GPC6: variants seen among roughly 807,000 people sequenced by gnomAD.
The protein encoded by GPC6 is glypican 6.
A neutral mutation model predicts 55.2 loss-of-function variants in GPC6; 14 were observed. That is an observed-to-expected ratio of 0.25 (90% confidence interval 0.17 to 0.40). GPC6 has a LOEUF of 0.40. Ranked by LOEUF, GPC6 falls within the 10% of genes least tolerant of loss-of-function variation. GPC6 has a pLI of 1.00. For missense variants in GPC6, 641 were observed against 708.5 expected (o/e 0.90, Z 1.08); for synonymous variants, 278 against 259.6 (o/e 1.07, Z -0.68).
At chr13:93,512,149 C>T (rs1197325874) in intron 1 of GPC6, among the ~76,000 whole-genome samples, 1 of 152,052 alleles carries the variant, frequency 6.6e-6, no homozygotes, top group Non-Finnish European at 1.5e-5. Context: ...TTGACCTCTC[C>T]TTTTCCAATT....
At chr13:94,199,331 G>A (rs759460312) in intron 4 of GPC6, among the ~76,000 whole-genome samples, 1 of 152,130 alleles carries the variant, frequency 6.6e-6, no homozygotes, top group Admixed American at 6.5e-5. Context: ...TCTGGATTAG[G>A]GTTAAAATGC....
rs181168230 is a variant in GPC6 at position 93,622,354 on chromosome 13, G to A, written c.319+76933G>A. Among the ~76,000 whole-genome samples, 28 of 152,242 alleles carry A rather than the reference G, an allele frequency of 1.8e-4. 1 individual carries two copies. The highest frequency in any genetic ancestry group is 1.7e-3 in the Admixed American group (26 of 15,288). On this transcript the variant is annotated intron_variant, in intron 2 of 8. Coordinates refer to ENST00000377047, the MANE Select transcript of GPC6 (RefSeq NM_005708.5). ...GAACTCAAGCTTTAGGAAGCTTATG[G>A]ATGAGTAGTATTCCATTGTGTATAC... is the stretch of plus-strand genomic sequence containing the variant.
intron 3 of GPC6, among the ~76,000 whole-genome samples, chr13:93,853,076 T>A (rs1647916278): frequency 6.6e-6 from 1 of 151,752 alleles, no homozygotes; most frequent in Non-Finnish European, 1.5e-5. Flanking sequence ...TGTTCTATGT[T>A]TACTATTTCC....
intron 6 of GPC6, among the ~76,000 whole-genome samples, chr13:94,325,582 TATTGA>T (rs1209106465): frequency 3.3e-5 from 5 of 152,250 alleles, no homozygotes; most frequent in African/African-American, 1.2e-4. Flanking sequence ...GCTATGGCTC[TATTGA>T]TTTAAAACAA....
intron 4 of GPC6, among the ~76,000 whole-genome samples, chr13:94,249,784 C>T (rs1288987593): frequency 6.6e-6 from 1 of 152,098 alleles, no homozygotes; most frequent in South Asian, 2.1e-4. Context: ...AACAGAACAG[C>T]GTTTGACAAG....
chr13:93,811,501 G>A (rs1173065010), intron 2 of GPC6, among the ~76,000 whole-genome samples: 1 of 152,142 alleles, frequency 6.6e-6, no homozygotes, highest in Non-Finnish European at 1.5e-5. Context: ...AACTGGTTAA[G>A]AAAATGTTCT....
At chr13:93,381,837 C>G (rs1875186122) in intron 1 of GPC6, among the ~76,000 whole-genome samples, 1 of 152,112 alleles carries the variant, frequency 6.6e-6, no homozygotes, top group South Asian at 2.1e-4. Context: ...CATCCATCCA[C>G]CCATCAGTTC....
At chr13:94,038,745 G>C (rs1444808091) in intron 4 of GPC6, among the ~76,000 whole-genome samples, 1 of 151,904 alleles carries the variant, frequency 6.6e-6, no homozygotes, top group Non-Finnish European at 1.5e-5. Flanking sequence ...CTCCTGTGCA[G>C]GTGAATAACC....
intron 3 of GPC6, among the ~76,000 whole-genome samples, chr13:94,003,191 A>G (rs1236475876): frequency 1.3e-5 from 2 of 152,316 alleles, no homozygotes; most frequent in Non-Finnish European, 2.9e-5. Flanking sequence ...ACTCCAGTCA[A>G]TAAAGTATAA....
At chr13:94,206,390 C>T (rs572700855) in intron 4 of GPC6, among the ~76,000 whole-genome samples, 2 of 152,204 alleles carry the variant, frequency 1.3e-5, no homozygotes, top group Admixed American at 6.5e-5. Context: ...TATTTAATAA[C>T]GGGAGTCTCA....
Position 94,403,129 on chromosome 13 carries a change from T to G in GPC6, c.1580T>G (p.Val527Gly), listed in dbSNP as rs1594245493. Residue 527 changes from valine (V) to glycine (G), a missense_variant, in exon 9 of 9, where the codon GTG (valine) becomes GGG (glycine). Physicochemically the swap from Val to Gly is moderately radical, Grantham distance 109. Coordinates refer to ENST00000377047, the MANE Select transcript of GPC6 (RefSeq NM_005708.5). ...GCAGTGGATCCCGACCGGAGAGAGG[T>G]GGACTCTTCTGCAGCCCAGCGTGGC... ...APAVDPDRRE[V>G]DSSAAQRGHS... The G allele has an allele frequency of 6.2e-7, 1 of 1,613,722 alleles. No individual in the cohort carries two copies. The highest frequency in any genetic ancestry group is 8.5e-7 in the Non-Finnish European group (1 of 1,179,706).
At chr13:94,140,930 A>G (rs1398653525) in intron 4 of GPC6, among the ~76,000 whole-genome samples, 10 of 151,962 alleles carry the variant, frequency 6.6e-5, no homozygotes, top group African/African-American at 2.2e-4. Flanking sequence ...ATATATATTT[A>G]TATTACGGTA....
chr13:93,629,022 T>G (rs1483347620), intron 2 of GPC6, among the ~76,000 whole-genome samples: 2 of 144,076 alleles, frequency 1.4e-5, no homozygotes, highest in Non-Finnish European at 3.1e-5. Flanking sequence ...GATGTAAAAC[T>G]GTACTTCTAG....
At chr13:94,121,869 G>T (rs1355055417) in intron 4 of GPC6, among the ~76,000 whole-genome samples, 3 of 152,066 alleles carry the variant, frequency 2.0e-5, no homozygotes, top group Non-Finnish European at 4.4e-5. Context: ...TAATACAGGA[G>T]TCCTTGGGCT....
intron 3 of GPC6, among the ~76,000 whole-genome samples, chr13:93,890,716 A>ATTTTT (rs35783811): frequency 8.0e-6 from 1 of 125,406 alleles, no homozygotes; most frequent in Non-Finnish European, 1.6e-5. Flanking sequence ...ATTTTACTTA[A>ATTTTT]TTTTTTTTTT....
chr13:94,104,582 C>T (rs1021868649), intron 4 of GPC6, among the ~76,000 whole-genome samples: 3 of 152,070 alleles, frequency 2.0e-5, no homozygotes, highest in Non-Finnish European at 4.4e-5. Context: ...ATCGTCTCAG[C>T]CCAAAATCTT....
chr13:93,726,735 AT>A (rs1316598037), intron 2 of GPC6, among the ~76,000 whole-genome samples: 1 of 151,942 alleles, frequency 6.6e-6, no homozygotes, highest in Non-Finnish European at 1.5e-5. Flanking sequence ...TTTTGTAGTT[AT>A]CCCTGCACAA....
intron 6 of GPC6, among the ~76,000 whole-genome samples, chr13:94,376,600 A>G (rs1488897270): frequency 1.9e-4 from 29 of 151,534 alleles, no homozygotes; most frequent in African/African-American, 5.1e-4. Context: ...GGAAGAATCA[A>G]TATCGTGAAA....
intron 2 of GPC6, among the ~76,000 whole-genome samples, chr13:93,829,467 T>C: frequency 6.6e-6 from 1 of 152,192 alleles, no homozygotes; most frequent in East Asian, 1.9e-4. Context: ...AACCAGAAAG[T>C]CCAATTGTCA....
Sources: allele counts gnomAD v4.1 joint callset (sites outside exome capture counted in the v4.1 genomes callset), GRCh38; gene constraint gnomAD v4.1.1; transcripts MANE v1.5; gene names NCBI Gene and HGNC (gene_info 2026-07-23, HGNC 2026-07-21).